Variants in ASIP observed in about 807,000 individuals in gnomAD.
ASIP encodes the protein agouti signaling protein.
ASIP carries 11 observed loss-of-function variants against 10.3 expected under a neutral mutation model. The ratio of observed to expected loss-of-function variants is 1.07; its 90% confidence interval spans 0.68 to 1.78. The LOEUF is 1.78. Ranked by LOEUF, ASIP falls within the 40% of genes most tolerant of loss-of-function variation. The pLI is 0.00. For synonymous variants in ASIP, 70 were observed against 70.8 expected, an observed-to-expected ratio of 0.99 and a Z score of 0.06; for missense variants, 180 against 169.2, an observed-to-expected ratio of 1.06 and a Z score of -0.35.
intron 1 of ASIP, among the ~76,000 whole-genome samples, chr20:34,206,230 CA>C (rs2034935986): frequency 6.6e-6 from 1 of 152,166 alleles, no homozygotes; most frequent in Non-Finnish European, 1.5e-5. Context: ...CTCCTGGCCT[CA>C]AGTGATCTGC....
chr20:34,200,071 T>C (rs1160894891), intron 1 of ASIP, among the ~76,000 whole-genome samples: 2 of 152,220 alleles, frequency 1.3e-5, no homozygotes, highest in African/African-American at 2.4e-5. Flanking sequence ...AGTCCAAATG[T>C]TCAAGCTTTT....
At chr20:34,201,043 TCTTTCTTTCTTTCTTTC>T (rs1349185454) in intron 1 of ASIP, among the ~76,000 whole-genome samples, 8 of 114,202 alleles carry the variant, frequency 7.0e-5, no homozygotes, top group Admixed American at 1.9e-4. Context: ...TTTCTTTCTT[TCTTTCTTTCTTTCTTTC>T]TTTTTTTTCC....
intron 3 of ASIP, among the ~76,000 whole-genome samples, chr20:34,264,181 A>T (rs543569641): frequency 6.6e-6 from 1 of 152,360 alleles, no homozygotes; most frequent in South Asian, 2.1e-4. Flanking sequence ...ATGTACACAC[A>T]GACAGTACAT....
intron 1 of ASIP, chr20:34,245,932 A>G (rs767490552): frequency 4.6e-6 from 7 of 1,523,852 alleles, no homozygotes; most frequent in Non-Finnish European, 5.4e-6. Context: ...CAGGCCATTA[A>G]ATACAGACAA....
intron 1 of ASIP, chr20:34,215,281 T>A: frequency 1.3e-6 from 2 of 1,543,036 alleles, no homozygotes; most frequent in Admixed American, 1.7e-5. Context: ...TTCAAGGCAC[T>A]GACACATCAC....
intron 3 of ASIP, among the ~76,000 whole-genome samples, chr20:34,264,466 G>A (rs1461070954): frequency 2.0e-5 from 3 of 152,176 alleles, no homozygotes; most frequent in African/African-American, 7.2e-5. Context: ...ATGCAATATT[G>A]TAAACCTTGA....
At chr20:34,240,722 CA>C (rs1388844068), upstream of ASIP, among the ~76,000 whole-genome samples, 1 of 152,144 alleles carries the variant, frequency 6.6e-6, no homozygotes, top group Non-Finnish European at 1.5e-5. Context: ...TAGGTTAACT[CA>C]ATTAGACTGT....
chr20:34,263,625 A>G (rs2035733833), intron 3 of ASIP, among the ~76,000 whole-genome samples: 1 of 151,260 alleles, frequency 6.6e-6, no homozygotes, highest in African/African-American at 2.4e-5. Flanking sequence ...ATGTGTTTGA[A>G]CTCATGGGTC....
At chr20:34,234,944 T>C (rs2122586366) in intron 1 of ASIP, 1 of 151,812 alleles carries the variant, frequency 6.6e-6, no homozygotes, top group Non-Finnish European at 1.5e-5. Flanking sequence ...TTTGATTTAA[T>C]CTTGTGTTGT....
chr20:34,238,891 C>T (rs1430498796), upstream of ASIP, among the ~76,000 whole-genome samples: 1 of 152,152 alleles, frequency 6.6e-6, no homozygotes, highest in Non-Finnish European at 1.5e-5. Flanking sequence ...ACTTTGCCAT[C>T]CAAGCCTTCA....
chr20:34,221,600 G>A (rs2035048296), intron 1 of ASIP, among the ~76,000 whole-genome samples: 1 of 152,124 alleles, frequency 6.6e-6, no homozygotes, highest in African/African-American at 2.4e-5. Flanking sequence ...AATGGGATAG[G>A]TTATAAAGGG....
chr20:34,219,078 C>T (rs2035028404), intron 1 of ASIP, among the ~76,000 whole-genome samples: 1 of 152,086 alleles, frequency 6.6e-6, no homozygotes, highest in Non-Finnish European at 1.5e-5. Context: ...TATAGACTTC[C>T]AAACACATAC....
chr20:34,260,441 C>T lies in ASIP; in HGVS notation c.67C>T (p.His23Tyr), dbSNP rs935586007. ...CCTCTGCTTCTTCACTGCCAACAGC[C>T]ACCTGCCACCTGAGGAGAAGCTCCG... The part of the protein sequence containing the change: ...VFLCFFTANS[H>Y]LPPEEKLRDD... Residue 23 changes from histidine (H) to tyrosine (Y), a missense_variant, in exon 2 of 4, where the codon CAC becomes TAC. Transcript: ENST00000374954. 1 of 1,614,166 alleles carries T rather than the reference C, an allele frequency of 6.2e-7. No homozygotes were observed. The highest frequency in any genetic ancestry group is 1.7e-5 in the Admixed American group (1 of 60,024).
At chr20:34,242,526 C>T (rs1390106729) in intron 1 of ASIP, among the ~76,000 whole-genome samples, 1 of 152,244 alleles carries the variant, frequency 6.6e-6, no homozygotes, top group Admixed American at 6.5e-5. Context: ...AGCCACAGCA[C>T]CCAGCCAGTC....
chr20:34,241,562 T>A, intron 1 of ASIP, 73 bp downstream of exon 1: 1 of 979,590 alleles, frequency 1.0e-6, no homozygotes, highest in South Asian at 4.7e-5. Flanking sequence ...TGAAAGGACT[T>A]AACAGTTATC....
intron 3 of ASIP, 94 bp downstream of exon 3, chr20:34,262,987 A>G: frequency 2.1e-6 from 3 of 1,437,582 alleles, no homozygotes; most frequent in Non-Finnish European, 2.9e-6. Context: ...AACTAAATGA[A>G]AGATTTTTCA....
At chr20:34,259,856 T>C (rs1206415633) in intron 1 of ASIP, among the ~76,000 whole-genome samples, 2 of 152,164 alleles carry the variant, frequency 1.3e-5, no homozygotes, top group South Asian at 2.1e-4. Flanking sequence ...TCGTTCTCTC[T>C]GGGTTTGGGA....
chr20:34,233,043 T>G (rs1359236445), intron 1 of ASIP, among the ~76,000 whole-genome samples: 1 of 152,064 alleles, frequency 6.6e-6, no homozygotes, highest in Non-Finnish European at 1.5e-5. Context: ...AAAATCAGTG[T>G]GTCCCAACCC....
chr20:34,268,949 T>A (rs2122688507), intron 3 of ASIP, 42 bp from the exon 4 acceptor site: 1 of 1,561,762 alleles, frequency 6.4e-7, no homozygotes, highest in Non-Finnish European at 8.7e-7. Context: ...ACCGGAGGGG[T>A]GGGCGTGGCC....
Sources: gnomAD v4.1 joint callset for allele counts (sites outside exome capture counted in the v4.1 genomes callset) on GRCh38, gnomAD v4.1.1 for gene constraint, MANE v1.5 for transcripts, NCBI Gene and HGNC (gene_info 2026-07-23, HGNC 2026-07-21) for gene names.